Variants in LSAMP observed in about 807,000 individuals in gnomAD.
LSAMP encodes the protein limbic system-associated membrane protein.
LSAMP carries 7 observed loss-of-function variants against 38.6 expected under a neutral mutation model. The ratio of observed to expected loss-of-function variants is 0.18; its 90% CI spans 0.10 to 0.34. LSAMP has a LOEUF of 0.34. Ranked by LOEUF, LSAMP falls within the 10% of genes least tolerant of loss-of-function variation. The probability of loss-of-function intolerance (pLI) is 1.00; values close to 1 mark genes in which losing one functional copy is unlikely to be tolerated. For synonymous variants in LSAMP, 154 were observed against 166.8 expected, an observed-to-expected ratio of 0.92 and a Z score of 0.59; for missense variants, 313 against 420.0, an observed-to-expected ratio of 0.75 and a Z score of 2.23.
intron 3 of LSAMP, among the ~76,000 whole-genome samples, chr3:115,862,704 A>C (rs1935742675): frequency 6.6e-6 from 1 of 152,050 alleles, no homozygotes; most frequent in Non-Finnish European, 1.5e-5. Flanking sequence ...GGTCAAAACA[A>C]ATTAAAGGGT....
chr3:115,839,752 A>C (rs1431482071), intron 6 of LSAMP, among the ~76,000 whole-genome samples: 2 of 152,204 alleles, frequency 1.3e-5, no homozygotes, highest in Non-Finnish European at 2.9e-5. Context: ...GACCACCAGG[A>C]AGTACATCAT....
intron 1 of LSAMP, among the ~76,000 whole-genome samples, chr3:116,303,872 C>CTGA (rs1257679824): frequency 1.3e-5 from 2 of 152,102 alleles, no homozygotes; most frequent in African/African-American, 4.8e-5. Context: ...CAAGTGTGAA[C>CTGA]TGATGGAACT....
At chr3:116,304,530 T>C (rs2047456380) in intron 1 of LSAMP, among the ~76,000 whole-genome samples, 1 of 152,060 alleles carries the variant, frequency 6.6e-6, no homozygotes, top group Non-Finnish European at 1.5e-5. Flanking sequence ...TGCAGAGACA[T>C]GGGAAAGGAA....
chr3:115,861,130 TTTCCTTCCTTCC>T (rs369018115), intron 3 of LSAMP, among the ~76,000 whole-genome samples: 5,498 of 64,206 alleles, frequency 0.086, 283 homozygotes, highest in Admixed American at 0.096. Context: ...TCCTTCTTTC[TTTCCTTCCTTCC>T]TTCCTTCCTT....
intron 1 of LSAMP, among the ~76,000 whole-genome samples, chr3:116,096,389 A>G (rs1708227516): frequency 6.6e-6 from 1 of 152,216 alleles, no homozygotes; most frequent in Non-Finnish European, 1.5e-5. Flanking sequence ...ATCTTTGCTT[A>G]TTAATAGGCA....
rs57628116 is a variant in LSAMP at position 116,104,716 on chromosome 3, C to T, written c.156-18160G>A. Among the ~76,000 whole-genome samples the T allele has an allele frequency of 3.1e-3, 476 of 152,270 alleles. 4 individuals carry two copies. Among genetic ancestry groups the T allele is most frequent in the African/African-American group, 0.011 (444 of 41,554 alleles). ...CGCAAGTGAACTACCTCACGTCTCT[C>T]CAAAATTGAGAAATGCAATTTCTCT... On this transcript the variant is annotated intron_variant, in intron 1 of 6. Coordinates refer to ENST00000490035, the MANE Select transcript of LSAMP (RefSeq NM_002338.5).
chr3:116,029,722 G>A (rs1045491725), intron 2 of LSAMP, among the ~76,000 whole-genome samples: 32 of 152,072 alleles, frequency 2.1e-4, no homozygotes, highest in African/African-American at 7.5e-4. Context: ...GACAGGAGCA[G>A]TTTCTGAACT....
intron 1 of LSAMP, among the ~76,000 whole-genome samples, chr3:116,256,163 C>A (rs562558981): frequency 6.6e-6 from 1 of 152,138 alleles, no homozygotes; most frequent in African/African-American, 2.4e-5. Flanking sequence ...AAATTAATTA[C>A]GAAATTGTAT....
intron 2 of LSAMP, among the ~76,000 whole-genome samples, chr3:116,061,627 C>T (rs1270766181): frequency 6.6e-6 from 1 of 152,234 alleles, no homozygotes; most frequent in African/African-American, 2.4e-5. Context: ...ATTCTCCTTC[C>T]TTCCTTTTCT....
At chr3:115,894,983 T>TCAATA (rs10683649) in intron 3 of LSAMP, among the ~76,000 whole-genome samples, 1 of 151,418 alleles carries the variant, frequency 6.6e-6, no homozygotes, top group Non-Finnish European at 1.5e-5. Flanking sequence ...CAAATGCGGA[T>TCAATA]GAATAGAGAA....
At chr3:116,177,556 C>A (rs1306511112) in intron 1 of LSAMP, among the ~76,000 whole-genome samples, 6 of 151,778 alleles carry the variant, frequency 4.0e-5, no homozygotes, top group African/African-American at 7.3e-5. Context: ...GTGAATAAAC[C>A]AAAAGAGTGA....
intron 3 of LSAMP, among the ~76,000 whole-genome samples, chr3:115,863,170 G>A (rs574560722): frequency 3.3e-5 from 5 of 152,182 alleles, no homozygotes; most frequent in Non-Finnish European, 7.3e-5. Flanking sequence ...AAAAAGCGCT[G>A]CATGAGGATG....
intron 1 of LSAMP, among the ~76,000 whole-genome samples, chr3:116,312,450 C>T (rs1405223386): frequency 1.3e-5 from 2 of 152,196 alleles, no homozygotes; most frequent in Non-Finnish European, 2.9e-5. Context: ...AAGATAATAG[C>T]CAGTAGCATG....
intron 3 of LSAMP, among the ~76,000 whole-genome samples, chr3:115,968,333 AC>A (rs1450944531): frequency 6.6e-6 from 1 of 152,040 alleles, no homozygotes; most frequent in Non-Finnish European, 1.5e-5. Context: ...GTGAGTCACA[AC>A]CAAGGTCCAC....
chr3:116,260,014 C>A lies in LSAMP; in HGVS notation c.156-173458G>T, dbSNP rs191095626. Among the ~76,000 whole-genome samples, 3 of 152,078 alleles carry A rather than the reference C, an allele frequency of 2.0e-5. No individual in the cohort carries two copies. In the East Asian group the frequency reaches 5.8e-4, roughly 29 times the overall value. The stretch of plus-strand genomic sequence containing the variant: ...TCTACAGTCTTTCTTCTCAATATTC[C>A]CCCTGCAATTTCCCAAGTATGTTCC... On this transcript the variant is annotated intron_variant, in intron 1 of 6. Transcript: ENST00000490035.
chr3:116,127,576 C>G (rs531744177), intron 1 of LSAMP, among the ~76,000 whole-genome samples: 1 of 151,916 alleles, frequency 6.6e-6, no homozygotes, highest in African/African-American at 2.4e-5. Flanking sequence ...CAAAAATACT[C>G]ACATTTAAAA....
intron 3 of LSAMP, among the ~76,000 whole-genome samples, chr3:116,013,528 A>C (rs139252639): frequency 6.6e-6 from 1 of 152,198 alleles, no homozygotes; most frequent in East Asian, 1.9e-4. Context: ...TACTGAGACT[A>C]TACTGGGAAA....
intron 1 of LSAMP, among the ~76,000 whole-genome samples, chr3:116,377,753 G>A (rs11928524): frequency 0.31 from 46,496 of 151,842 alleles, 9,796 homozygotes; most frequent in African/African-American, 0.6. Context: ...GAAATCCCAT[G>A]GAGCCCTTTA....
chr3:116,196,822 C>T (rs1031737652), intron 1 of LSAMP, among the ~76,000 whole-genome samples: 9 of 152,112 alleles, frequency 5.9e-5, no homozygotes, highest in Non-Finnish European at 1.2e-4. Context: ...CTTTGGGTTA[C>T]CCTCCCACCA....
Sources: allele counts gnomAD v4.1 joint callset (sites outside exome capture counted in the v4.1 genomes callset), GRCh38; gene constraint gnomAD v4.1.1; transcripts MANE v1.5; gene names NCBI Gene and HGNC (gene_info 2026-07-23, HGNC 2026-07-21).